CACNA1B: variants seen among roughly 807,000 people sequenced by gnomAD.
The protein encoded by CACNA1B is voltage-dependent N-type calcium channel subunit alpha-1B.
A neutral mutation model predicts 247.2 loss-of-function variants in CACNA1B; 70 were observed. The observed-to-expected ratio is 0.28, with a 90% CI of 0.23 to 0.35. CACNA1B has a LOEUF of 0.35. Among genes scored for constraint, CACNA1B ranks in the 10% least tolerant of loss-of-function variants. CACNA1B has a pLI of 1.00. For missense variants in CACNA1B, 2,367 were observed against 3,197.4 expected, an observed-to-expected ratio of 0.74 and a Z score of 6.26; for synonymous variants, 1,231 against 1,294.4, an observed-to-expected ratio of 0.95 and a Z score of 1.05.
At chr9:138,038,447 G>A (rs1338515299) in intron 20 of CACNA1B, among the ~76,000 whole-genome samples, 1 of 152,208 alleles carries the variant, frequency 6.6e-6, no homozygotes, top group Admixed American at 6.5e-5. Flanking sequence ...GTACTCTGGT[G>A]GCCTTTGCCT....
At chr9:137,966,418 TG>T (rs1361369558) in intron 10 of CACNA1B, among the ~76,000 whole-genome samples, 2 of 151,538 alleles carry the variant, frequency 1.3e-5, no homozygotes, top group African/African-American at 4.9e-5. Flanking sequence ...TAGCAGAGAC[TG>T]GGTTTCACCG....
At chr9:137,940,051 A>G (rs576174575) in intron 6 of CACNA1B, among the ~76,000 whole-genome samples, 206 of 152,182 alleles carry the variant, frequency 1.4e-3, no homozygotes, top group African/African-American at 4.8e-3. Flanking sequence ...CAAACCCAGC[A>G]GAAGAAAGAG....
chr9:137,935,702 A>G (rs1957657978), intron 6 of CACNA1B, among the ~76,000 whole-genome samples: 1 of 152,190 alleles, frequency 6.6e-6, no homozygotes, highest in African/African-American at 2.4e-5. Flanking sequence ...TGGTTGAACT[A>G]GTTTACACTC....
rs576466994 is a variant in CACNA1B at position 138,000,159 on chromosome 9, T to C, written c.1975-6608T>C. ...TGTCGCCCAGGCTGGAGTGCAGTGGTGCGATCTCGGCTCACTGCAAGCTCC... is the reference window on the plus strand; with the variant it reads ...TGTCGCCCAGGCTGGAGTGCAGTGGCGCGATCTCGGCTCACTGCAAGCTCC... On this transcript the variant is annotated intron_variant, in intron 15 of 46. Transcript: ENST00000371372. Among the ~76,000 whole-genome samples, 483 of 150,386 alleles carry C rather than the reference T, an allele frequency of 3.2e-3. 2 individuals carry two copies. Among genetic ancestry groups the C allele is most frequent in the African/African-American group, 8.4e-3 (342 of 40,916 alleles).
At chr9:138,027,610 G>A (rs1221652337) in intron 20 of CACNA1B, among the ~76,000 whole-genome samples, 1 of 152,100 alleles carries the variant, frequency 6.6e-6, no homozygotes, top group Non-Finnish European at 1.5e-5. Context: ...GTAAAATTAT[G>A]TTGTGGTATC....
rs1225484659 is a variant in CACNA1B, at chr9:138,059,341, G to A, written c.4584+152G>A. Among the ~76,000 whole-genome samples the A allele has an allele frequency of 6.6e-6, 1 of 152,166 alleles. No homozygotes were observed. Among genetic ancestry groups the A allele is most frequent in the African/African-American group, 2.4e-5 (1 of 41,436 alleles). Reference sequence around the variant, plus strand: ...CTACAGGGGCCCTGGGGAAGGGGCTGTTCTGAGACTCTTGGCTACATAAGC... The same window carrying A: ...CTACAGGGGCCCTGGGGAAGGGGCTATTCTGAGACTCTTGGCTACATAAGC... On this transcript the variant is annotated intron_variant, in intron 30 of 46. Transcript: ENST00000371372. The surrounding 1 kb of genome is among the most constrained non-coding windows in gnomAD (Gnocchi z 4.2).
intron 6 of CACNA1B, among the ~76,000 whole-genome samples, chr9:137,934,192 T>A (rs1957638428): frequency 1.3e-5 from 2 of 152,188 alleles, no homozygotes; most frequent in Admixed American, 1.3e-4. Context: ...GGTTCACAGG[T>A]GTAGTGGCTG....
intron 18 of CACNA1B, among the ~76,000 whole-genome samples, chr9:138,021,708 A>G (rs1039303075): frequency 6.6e-6 from 1 of 152,248 alleles, no homozygotes; most frequent in African/African-American, 2.4e-5. Context: ...AGCAAGTAAC[A>G]TCCTCTCTCT....
At chr9:137,987,271 A>T (rs1180465880) in intron 15 of CACNA1B, among the ~76,000 whole-genome samples, 4 of 151,736 alleles carry the variant, frequency 2.6e-5, no homozygotes, top group African/African-American at 9.7e-5. Flanking sequence ...TCTCATCTGT[A>T]TCTGGAAAAC....
chr9:138,016,614 G>A (rs1384485077), intron 18 of CACNA1B, among the ~76,000 whole-genome samples: 1 of 152,178 alleles, frequency 6.6e-6, no homozygotes, highest in Non-Finnish European at 1.5e-5. Context: ...GGGCACCCTC[G>A]CCTCCTTTGT....
At position 138,120,280 on chromosome 9, in the gene CACNA1B, C is replaced by T. The variant is rs745360862; in HGVS notation, c.6146C>T (p.Ser2049Leu). Residue 2049 changes from serine to leucine, a missense_variant, in exon 45 of 47, where the codon TCG (serine) becomes TTG (leucine). Physicochemically the swap from Ser to Leu is moderately radical, Grantham distance 145. Coordinates refer to ENST00000371372, the MANE Select transcript of CACNA1B (RefSeq NM_000718.4). Reference protein sequence around the residue: ...PDRPPPSQASSHHHHHRCHRR... With the variant: ...PDRPPPSQASLHHHHHRCHRR... The stretch of plus-strand genomic sequence containing the variant: ...CGCCCACCCCCTAGCCAGGCGTCGT[C>T]GCACCACCACCACCACCGCTGCCAC... The T allele has an allele frequency of 8.9e-6, 14 of 1,581,790 alleles. No individual in the cohort carries two copies. The highest frequency in any genetic ancestry group is 2.3e-5 in the East Asian group (1 of 42,820).
rs1337163533 is a variant in CACNA1B at position 138,069,893 on chromosome 9, C to T, written c.4674+130C>T. On this transcript the variant is annotated intron_variant, in intron 32 of 46. Transcript: ENST00000371372. ...GTGTGGTTGGATGCGGCTGCATCCA[C>T]TCACCTCTGGCCTCCTGGACTTGCT... 9 of 793,550 alleles carry T rather than the reference C, an allele frequency of 1.1e-5. No homozygotes were observed. In the East Asian group the frequency reaches 2.4e-4, roughly 21 times the overall value. 49.2% of individuals were successfully genotyped at this position (793,550 alleles called of 1,614,324 possible).
intron 15 of CACNA1B, among the ~76,000 whole-genome samples, chr9:137,992,775 C>T (rs951460259): frequency 2.3e-4 from 33 of 144,720 alleles, no homozygotes; most frequent in East Asian, 2.0e-4. Flanking sequence ...CCAGCCTGGG[C>T]GACAGAGCGA....
chr9:138,022,872 G>C, intron 18 of CACNA1B, 139 bp from the exon 19 acceptor site: 1 of 1,134,366 alleles, frequency 8.8e-7, no homozygotes, highest in Non-Finnish European at 1.2e-6. Flanking sequence ...CGCGTCCCCC[G>C]AGGGGTGTGG....
Position 137,913,398 on chromosome 9 carries a change from G to T in CACNA1B, c.622+127G>T. ...CTGAGCTTGCCACTTTTGACCCCAG[G>T]GAACCAGGCAGGAGGAAGGGAGGAG... On this transcript the variant is annotated intron_variant, in intron 4 of 46. Coordinates refer to ENST00000371372, the MANE Select transcript of CACNA1B (RefSeq NM_000718.4). This position sits in a 1 kb window ranked among gnomAD's most constrained non-coding sequence, Gnocchi z 5.2. 1 of 690,152 alleles carries T rather than the reference G, an allele frequency of 1.4e-6. No homozygotes were observed. The allele number at this position is 690,152 out of a possible 1,614,324, so 42.8% of individuals were successfully genotyped here.
rs756812404 is a variant in CACNA1B, at chr9:137,881,752, C to T, written c.391-992C>T. The stretch of plus-strand genomic sequence containing the variant: ...TAAGCTCCACACAGCCCCATCTCCA[C>T]CCTGTTTGCTGCTTCCAGCTCGGCA... On this transcript the variant is annotated intron_variant, in intron 2 of 46. Transcript: ENST00000371372. This position sits in a 1 kb window ranked among gnomAD's most constrained non-coding sequence, Gnocchi z 4.3. Among the ~76,000 whole-genome samples, 6 of 152,224 alleles carry T rather than the reference C, an allele frequency of 3.9e-5. No homozygotes were observed. Among genetic ancestry groups the T allele is most frequent in the Non-Finnish European group, 8.8e-5 (6 of 68,038 alleles).
chr9:138,099,877 C>G (rs1202062023), intron 37 of CACNA1B, among the ~76,000 whole-genome samples: 4 of 152,258 alleles, frequency 2.6e-5, no homozygotes, highest in Non-Finnish European at 5.9e-5. Flanking sequence ...TGCAGTCACA[C>G]TTCTTGCAGC....
In CACNA1B at chr9:138,010,136, C is replaced by A; in HGVS notation, c.2160+59C>A. ...CATGTCACTTGAATGTGGCCGCAGCCAGGAAGAGTCTGGGTCCTGGGTTAG... is the reference window on the plus strand; with the variant it reads ...CATGTCACTTGAATGTGGCCGCAGCAAGGAAGAGTCTGGGTCCTGGGTTAG... On this transcript the variant is annotated intron_variant, in intron 17 of 46. Coordinates refer to ENST00000371372, the MANE Select transcript of CACNA1B (RefSeq NM_000718.4). This position sits in a 1 kb window ranked among gnomAD's most constrained non-coding sequence, Gnocchi z 5.3. 1 of 1,395,600 alleles carries A rather than the reference C, an allele frequency of 7.2e-7. No individual in the cohort carries two copies. Among genetic ancestry groups the A allele is most frequent in the African/African-American group, 1.4e-5 (1 of 70,556 alleles). 86.5% of individuals were successfully genotyped at this position (1,395,600 alleles called of 1,614,324 possible). A position where few individuals can be genotyped will look rare whatever the true frequency, so the allele number is the denominator to read the frequency against.
chr9:137,965,701 C>T (rs535617678), intron 10 of CACNA1B, among the ~76,000 whole-genome samples: 11 of 152,160 alleles, frequency 7.2e-5, no homozygotes, highest in Admixed American at 1.3e-4. Context: ...TGGGTTCAAA[C>T]GATTCTCCTC....
Sources: allele counts gnomAD v4.1 joint callset (sites outside exome capture counted in the v4.1 genomes callset), GRCh38; gene constraint gnomAD v4.1.1; non-coding constraint Gnocchi (gnomAD v3.1); transcripts MANE v1.5; gene names NCBI Gene and HGNC (gene_info 2026-07-23, HGNC 2026-07-21).